VAV2: variants seen among roughly 807,000 people sequenced by gnomAD.
The protein encoded by VAV2 is guanine nucleotide exchange factor VAV2.
A neutral mutation model predicts 132.5 loss-of-function variants in VAV2; 67 were observed. The observed-to-expected ratio is 0.51, with a 90% CI of 0.42 to 0.62. The LOEUF (loss-of-function observed/expected upper bound fraction) is 0.62, where lower values mean the gene tolerates loss of function less well. Ranked by LOEUF, VAV2 falls within the 20% of genes least tolerant of loss-of-function variation. VAV2 has a pLI of 0.00. For missense variants in VAV2, 938 were observed against 1,153.6 expected, an observed-to-expected ratio of 0.81 and a Z score of 2.71; for synonymous variants, 492 against 443.5, an observed-to-expected ratio of 1.11 and a Z score of -1.37.
chr9:133,906,551 G>A (rs978788680), intron 2 of VAV2, among the ~76,000 whole-genome samples: 13 of 151,938 alleles, frequency 8.6e-5, no homozygotes, highest in East Asian at 1.9e-4. Context: ...CCGATCAGCC[G>A]GCAATGAAAC....
In VAV2 at chr9:133,992,266, G is replaced by C; in HGVS notation, c.13C>G (p.Arg5Gly). ...TCGATGAGCCAGCGGCCGCACTGCC[G>C]CCACTGCTCCATGGCGCCCGCGGGC... MEQW[R>G]QCGRWLIDCK... The change falls in exon 1 of 30, where the codon CGG becomes GGG. Residue 5 changes from arginine (R) to glycine (G), a missense_variant. Physicochemically the swap from Arg to Gly is moderately radical, Grantham distance 125. Coordinates refer to ENST00000371850, the MANE Select transcript of VAV2 (RefSeq NM_001134398.2). The surrounding 1 kb of genome is among the most constrained non-coding windows in gnomAD (Gnocchi z 5.5). The C allele has an allele frequency of 6.4e-7, 1 of 1,562,306 alleles. No homozygotes were observed. Among genetic ancestry groups the C allele is most frequent in the South Asian group, 1.2e-5 (1 of 85,636 alleles).
At chr9:133,874,524 G>GT (rs1491175391) in intron 2 of VAV2, among the ~76,000 whole-genome samples, 1 of 152,170 alleles carries the variant, frequency 6.6e-6, no homozygotes, top group Non-Finnish European at 1.5e-5. Flanking sequence ...TGCCTAGCGC[G>GT]TGAGTCACTG....
intron 23 of VAV2, among the ~76,000 whole-genome samples, chr9:133,777,171 C>T (rs983901152): frequency 5.9e-5 from 9 of 152,194 alleles, no homozygotes; most frequent in African/African-American, 2.2e-4. Flanking sequence ...GAAACGACAC[C>T]CGATCGGCTG....
chr9:133,854,286 C>A lies in VAV2; in HGVS notation c.380+7088G>T, dbSNP rs539379143. Among the ~76,000 whole-genome samples the A allele has an allele frequency of 8.3e-3, 1,258 of 151,152 alleles. 35 individuals are homozygous for A. Among genetic ancestry groups the A allele is most frequent in the Admixed American group, 0.053 (806 of 15,238 alleles). On this transcript the variant is annotated intron_variant, in intron 3 of 29. Transcript: ENST00000371850. ...ACACACGCACATACCCATATGCACA[C>A]ACACACACCCATGTGCACCTGCACA...
At position 133,885,246 on chromosome 9, in the gene VAV2, T is replaced by C. The variant is rs1838655839; in HGVS notation, c.322-23814A>G. On this transcript the variant is annotated intron_variant, in intron 2 of 29. Transcript: ENST00000371850. This position sits in a 1 kb window ranked among gnomAD's most constrained non-coding sequence, Gnocchi z 5.0. ...AGGGCGGCCCAGGGAAGGGCATGTA[T>C]GCAGCCCCCGCGGCTGTCTACTTGG... Among the ~76,000 whole-genome samples the C allele has an allele frequency of 6.6e-6, 1 of 152,222 alleles. No individual in the cohort carries two copies. The highest frequency in any genetic ancestry group is 2.1e-4 in the South Asian group (1 of 4,830).
chr9:133,817,345 C>T (rs1004578719), intron 4 of VAV2, among the ~76,000 whole-genome samples: 1 of 152,342 alleles, frequency 6.6e-6, no homozygotes, highest in African/African-American at 2.4e-5. Flanking sequence ...TTCTTTCCTC[C>T]CTGTTATTTG....
At chr9:133,772,471 T>C (rs1588154860) in intron 25 of VAV2, among the ~76,000 whole-genome samples, 1 of 152,222 alleles carries the variant, frequency 6.6e-6, no homozygotes, top group South Asian at 2.1e-4. Flanking sequence ...TCCTCAGAGG[T>C]GCCGAGCGCA....
At chr9:133,784,246 C>T in intron 18 of VAV2, 71 bp downstream of exon 18, 1 of 1,507,374 alleles carries the variant, frequency 6.6e-7, no homozygotes, top group East Asian at 2.3e-5. Context: ...ACAGATAGAA[C>T]ACTAAGCTCT....
In VAV2 at chr9:133,964,413, A is replaced by AAT. The variant is rs202169743; in HGVS notation, c.205-25196_205-25195dup. Among the ~76,000 whole-genome samples, 905 of 152,068 alleles carry AAT rather than the reference A, an allele frequency of 6.0e-3. 5 individuals are homozygous for AAT. Among genetic ancestry groups the AAT allele is most frequent in the African/African-American group, 0.021 (860 of 41,486 alleles). On this transcript the variant is annotated intron_variant, in intron 1 of 29. Coordinates refer to ENST00000371850, the MANE Select transcript of VAV2 (RefSeq NM_001134398.2). The stretch of plus-strand genomic sequence containing the variant: ...AAATATATGTATTTACATTTGCATA[A>AAT]ATATATATAATACACATATTTATGT...
chr9:133,838,997 T>TG (rs1836607483), intron 3 of VAV2, among the ~76,000 whole-genome samples: 1 of 134,658 alleles, frequency 7.4e-6, no homozygotes, highest in Non-Finnish European at 1.6e-5. Context: ...GATGGATGGG[T>TG]GGGTAGATGG....
chr9:133,868,194 G>A (rs1837882087), intron 2 of VAV2, among the ~76,000 whole-genome samples: 1 of 152,240 alleles, frequency 6.6e-6, no homozygotes. Flanking sequence ...GTTGGGTCCT[G>A]ACTCAACCCA....
At position 133,968,650 on chromosome 9, in the gene VAV2, G is replaced by A. The variant is rs574012666; in HGVS notation, c.204+23425C>T. On this transcript the variant is annotated intron_variant, in intron 1 of 29. Coordinates refer to ENST00000371850, the MANE Select transcript of VAV2 (RefSeq NM_001134398.2). ...TGGGGCTGCCTGGGGACATCCTCCA[G>A]CCACACACTGACCCATCACAGAGCC... Among the ~76,000 whole-genome samples the A allele has an allele frequency of 3.7e-4, 56 of 152,282 alleles. No individual in the cohort carries two copies. In the South Asian group the frequency reaches 8.7e-3, roughly 24 times the overall value.
rs879421627 is a variant in VAV2, at chr9:133,783,485, G to A, written c.1723+18C>T. ...GCGTGGCCAGGGACTGGGGTGGGGG[G>A]GTGAGGGGGGTACTCACTGAACTTG... On this transcript the variant is annotated intron_variant, in intron 19 of 29. Transcript: ENST00000371850. 14 of 1,524,002 alleles carry A rather than the reference G, an allele frequency of 9.2e-6. No individual in the cohort carries two copies. The highest frequency in any genetic ancestry group is 1.2e-5 in the Non-Finnish European group (14 of 1,129,446). The allele number at this position is 1,524,002 out of a possible 1,614,324, so 94.4% of individuals were successfully genotyped here.
intron 29 of VAV2, among the ~76,000 whole-genome samples, chr9:133,765,538 A>T (rs908488208): frequency 6.6e-6 from 1 of 152,230 alleles, no homozygotes; most frequent in Non-Finnish European, 1.5e-5. Context: ...CAAAAGTGTA[A>T]AAGTCATGTA....
chr9:133,980,029 G>A (rs565566396), intron 1 of VAV2, among the ~76,000 whole-genome samples: 7 of 152,318 alleles, frequency 4.6e-5, no homozygotes, highest in African/African-American at 1.4e-4. Flanking sequence ...GAGCCAGTGC[G>A]CGACACACAG....
chr9:133,764,264 C>A (rs148714091), intron 29 of VAV2, among the ~76,000 whole-genome samples, 155 bp from the exon 30 acceptor site: 28 of 152,076 alleles, frequency 1.8e-4, no homozygotes, highest in Non-Finnish European at 3.5e-4. Flanking sequence ...GGAACCATTG[C>A]CTGGGAGTAA....
rs10993839 is a variant in VAV2 at position 133,879,542 on chromosome 9, G to A, written c.322-18110C>T. 0.088 allele frequency among the ~76,000 whole-genome samples: 13,437 copies of A among 152,132 alleles called. 764 individuals carry two copies. The highest frequency in any genetic ancestry group is 0.19 in the South Asian group (895 of 4,780). On this transcript the variant is annotated intron_variant, in intron 2 of 29. Transcript: ENST00000371850. The surrounding 1 kb of genome is among the most constrained non-coding windows in gnomAD (Gnocchi z 4.4). Reference sequence around the variant, plus strand: ...AAGGCATCGATCAGTAGGTGGCCCCGGGGCACTGCCACAGCCTTGAGCACC... The same window carrying A: ...AAGGCATCGATCAGTAGGTGGCCCCAGGGCACTGCCACAGCCTTGAGCACC...
chr9:133,795,640 T>C, intron 12 of VAV2, 28 bp downstream of exon 12: 1 of 1,613,352 alleles, frequency 6.2e-7, no homozygotes. Context: ...GACGGTGGCT[T>C]CTCCCCTGCC....
At chr9:133,810,297 C>T in intron 5 of VAV2, 92 bp from the exon 6 acceptor site, 2 of 1,584,076 alleles carry the variant, frequency 1.3e-6, no homozygotes, top group Middle Eastern at 1.7e-4. Context: ...GGAACGCCAC[C>T]CCACAACCAG....
Sources: allele counts gnomAD v4.1 joint callset (sites outside exome capture counted in the v4.1 genomes callset), GRCh38; gene constraint gnomAD v4.1.1; non-coding constraint Gnocchi (gnomAD v3.1); transcripts MANE v1.5; gene names NCBI Gene and HGNC (gene_info 2026-07-23, HGNC 2026-07-21).